PADI1: variants seen among roughly 807,000 people sequenced by gnomAD.
PADI1 encodes the protein protein-arginine deiminase type-1.
A neutral mutation model predicts 74.8 loss-of-function variants in PADI1; 65 were observed. The observed-to-expected ratio is 0.87, with a 90% confidence interval of 0.71 to 1.07. PADI1 has a LOEUF of 1.07. PADI1 is among the 50% of genes least tolerant of loss of function. The probability of loss-of-function intolerance (pLI) is 0.00; values close to 1 mark genes in which losing one functional copy is unlikely to be tolerated. For synonymous variants in PADI1, 371 were observed against 336.2 expected (o/e 1.10, Z -1.13); for missense variants, 943 against 854.0 (o/e 1.10, Z -1.30).
At chr1:17,227,828 A>G (rs2072366293) in intron 6 of PADI1, among the ~76,000 whole-genome samples, 1 of 152,212 alleles carries the variant, frequency 6.6e-6, no homozygotes, top group African/African-American at 2.4e-5. Flanking sequence ...CGACAAGTGA[A>G]TGGATAGCCT....
rs1207120273 is a variant in PADI1, at chr1:17,206,912, C to T, written c.92+1603C>T. Among the ~76,000 whole-genome samples the T allele has an allele frequency of 2.0e-5, 3 of 152,006 alleles. No individual in the cohort carries two copies. The East Asian group carries it at 5.8e-4, about 29-fold the overall frequency. ...GTCAGGCTGGTCTCAAACTCCTGAC[C>T]TCAAGTGATCAACCCACCTCGGCCT... On this transcript the variant is annotated intron_variant, in intron 1 of 15. Transcript: ENST00000375471.
In PADI1 at chr1:17,205,190, T is replaced by A; in HGVS notation, c.-28T>A. 1.2e-6 allele frequency: 2 copies of A among 1,600,014 alleles called. No individual in the cohort carries two copies. The highest frequency in any genetic ancestry group is 2.2e-5 in the East Asian group (1 of 44,726). ...ACGGGAGCTGGGGAGCCAGGGCTGA[T>A]CTAGGAGGCTGGGAGCCAGGTGACA... is the stretch of plus-strand genomic sequence containing the variant. On this transcript the variant is annotated 5_prime_UTR_variant, in exon 1 of 16. Transcript: ENST00000375471.
At chr1:17,240,088 G>C in intron 14 of PADI1, 1 of 359,720 alleles carries the variant, frequency 2.8e-6, no homozygotes, top group Non-Finnish European at 5.2e-6. Context: ...AAATGCGAGA[G>C]ACACGGTGGG....
intron 11 of PADI1, among the ~76,000 whole-genome samples, chr1:17,234,485 A>G (rs2072580139): frequency 6.6e-6 from 1 of 152,184 alleles, no homozygotes; most frequent in Non-Finnish European, 1.5e-5. Context: ...AACTGGAAAA[A>G]TGTATTGACC....
chr1:17,206,315 C>T (rs539082220), intron 1 of PADI1, among the ~76,000 whole-genome samples: 3 of 152,222 alleles, frequency 2.0e-5, no homozygotes, highest in Admixed American at 2.0e-4. Context: ...AGCTGCCCAC[C>T]TGGCCTCTGG....
chr1:17,213,501 C>T (rs187019611), intron 1 of PADI1, among the ~76,000 whole-genome samples: 12 of 152,310 alleles, frequency 7.9e-5, no homozygotes, highest in Admixed American at 3.9e-4. Context: ...GTGTCTCTGG[C>T]GATGTATTTT....
chr1:17,218,520 G>C (rs1569773551), intron 1 of PADI1, among the ~76,000 whole-genome samples: 2 of 152,114 alleles, frequency 1.3e-5, no homozygotes, highest in African/African-American at 4.8e-5. Context: ...GTGTTTCAAA[G>C]ACAGGTGATC....
rs763492114 is a variant in PADI1, at chr1:17,240,768, C to A, written c.1758+8C>A. The stretch of plus-strand genomic sequence containing the variant: ...GCCTTCTTCCCAGACATGGTGAGAG[C>A]CCTTGTGCAGGGTCCTGCTGGGGGG... On this transcript the variant is annotated splice_region_variant and intron_variant, in intron 15 of 15. Transcript: ENST00000375471. 4 of 1,612,780 alleles carry A rather than the reference C, an allele frequency of 2.5e-6. No individual in the cohort carries two copies. The African/African-American group carries it at 5.3e-5, about 22-fold the overall frequency.
At chr1:17,228,880 G>A in intron 7 of PADI1, 68 bp from the exon 8 acceptor site, 1 of 1,585,858 alleles carries the variant, frequency 6.3e-7, no homozygotes, top group Admixed American at 1.7e-5. Flanking sequence ...GGCAGGCTGG[G>A]GGCTGGGGGG....
chr1:17,217,594 A>C (rs71644026), intron 1 of PADI1, among the ~76,000 whole-genome samples: 3,278 of 152,354 alleles, frequency 0.022, 66 homozygotes, highest in Non-Finnish European at 0.034. Flanking sequence ...ATTATATTAA[A>C]AACAAAGGCA....
chr1:17,244,609 A>G lies in PADI1; in HGVS notation c.*366A>G, dbSNP rs922106222. 6.6e-5 allele frequency: 25 copies of G among 380,770 alleles called. No homozygotes were observed. The highest frequency in any genetic ancestry group is 5.0e-4 in the African/African-American group (24 of 47,878). 23.6% of individuals were successfully genotyped at this position (380,770 alleles called of 1,614,324 possible). On this transcript the variant is annotated 3_prime_UTR_variant, in exon 16 of 16. Coordinates refer to ENST00000375471, the MANE Select transcript of PADI1 (RefSeq NM_013358.3). ...GCCTCCCTGGGGAACAAGGATAATG[A>G]CTTTGCATCTGCACCTGGAACGGGG...
At position 17,205,221 on chromosome 1, in the gene PADI1, GC is replaced by G. The variant is rs770524992; in HGVS notation, c.8del (p.Pro3GlnfsTer9). On this transcript the variant is annotated frameshift_variant, in exon 1 of 16. Transcript: ENST00000375471. LOFTEE classifies it high-confidence loss of function. M[A>X]PKRVVQLSLK... ...AGGCTGGGAGCCAGGTGACAGGATGGCCCCAAAGAGAGTTGTGCAGCTGTCC... is the reference window on the plus strand; with the variant it reads ...AGGCTGGGAGCCAGGTGACAGGATGGCCCAAAGAGAGTTGTGCAGCTGTCC... 1.1e-5 allele frequency: 18 copies of G among 1,613,884 alleles called. No homozygotes were observed. The highest frequency in any genetic ancestry group is 1.4e-5 in the Non-Finnish European group (16 of 1,179,826).
Position 17,228,555 on chromosome 1 carries a change from T to C in PADI1, c.653-70T>C, listed in dbSNP as rs531760103. 26 of 1,549,510 alleles carry C rather than the reference T, an allele frequency of 1.7e-5. No individual in the cohort carries two copies. The African/African-American group carries it at 3.3e-4, about 19-fold the overall frequency. ...TGCTCTAACCACAAAGGGGGCTCTG[T>C]CCTGGATTCCTGGGCTTGCAGCCCC... is the stretch of plus-strand genomic sequence containing the variant. On this transcript the variant is annotated intron_variant, in intron 6 of 15. Coordinates refer to ENST00000375471, the MANE Select transcript of PADI1 (RefSeq NM_013358.3).
intron 6 of PADI1, among the ~76,000 whole-genome samples, chr1:17,227,550 TAAATAAATAAATA>T (rs1191927361): frequency 7.0e-6 from 1 of 141,866 alleles, no homozygotes; most frequent in East Asian, 1.9e-4. Context: ...AATAAATAAA[TAAATAAATAAATA>T]AATAAATAAA....
intron 11 of PADI1, among the ~76,000 whole-genome samples, chr1:17,236,595 A>G (rs2072646809): frequency 6.6e-6 from 1 of 152,116 alleles, no homozygotes; most frequent in African/African-American, 2.4e-5. Flanking sequence ...CTCTACAAAA[A>G]TTACAAAAAT....
At chr1:17,214,737 C>T (rs2071928999) in intron 1 of PADI1, among the ~76,000 whole-genome samples, 1 of 152,224 alleles carries the variant, frequency 6.6e-6, no homozygotes, top group African/African-American at 2.4e-5. Flanking sequence ...CTGCCTGTCA[C>T]ACCTCCCAAG....
intron 14 of PADI1, chr1:17,240,399 A>G: frequency 2.4e-6 from 1 of 423,494 alleles, no homozygotes; most frequent in Non-Finnish European, 4.3e-6. Flanking sequence ...ATTTGCATCC[A>G]GAAACTGCCT....
intron 1 of PADI1, among the ~76,000 whole-genome samples, chr1:17,206,210 G>A (rs371913739): frequency 6.6e-6 from 1 of 152,178 alleles, no homozygotes; most frequent in Admixed American, 6.5e-5. Context: ...GGGTGCTGGG[G>A]GTCTGTTACT....
In PADI1 at chr1:17,208,563, C is replaced by T. The variant is rs149173182; in HGVS notation, c.92+3254C>T. Among the ~76,000 whole-genome samples, 25 of 112,332 alleles carry T rather than the reference C, an allele frequency of 2.2e-4. 1 individual carries two copies. The highest frequency in any genetic ancestry group is 8.6e-4 in the African/African-American group (22 of 25,694). 73.7% of individuals were successfully genotyped at this position (112,332 alleles called of 152,430 possible). A position where few individuals can be genotyped will look rare whatever the true frequency, so the allele number is the denominator to read the frequency against. On this transcript the variant is annotated intron_variant, in intron 1 of 15. Coordinates refer to ENST00000375471, the MANE Select transcript of PADI1 (RefSeq NM_013358.3). ...GCTAGCCCACCACCCTGTCCACCCC[C>T]GACTCCAGTGGGCTAGCTCACCACC...
Sources: allele counts gnomAD v4.1 joint callset (sites outside exome capture counted in the v4.1 genomes callset), GRCh38; gene constraint gnomAD v4.1.1; transcripts MANE v1.5; gene names NCBI Gene and HGNC (gene_info 2026-07-23, HGNC 2026-07-21).